DAOA: variants seen among roughly 807,000 people sequenced by gnomAD.
DAOA encodes the protein D-amino acid oxidase regulator.
Under a neutral mutation model 16.4 loss-of-function variants are expected in DAOA, and 15 were observed. The ratio of observed to expected loss-of-function variants is 0.91; its 90% CI spans 0.61 to 1.41. The LOEUF (loss-of-function observed/expected upper bound fraction) is 1.41. Among genes scored for constraint, DAOA ranks in the 40% most tolerant of loss-of-function variants. DAOA has a pLI of 0.00. For synonymous variants in DAOA, 75 were observed against 59.1 expected, an observed-to-expected ratio of 1.27 and a Z score of -1.23; for missense variants, 230 against 176.8, an observed-to-expected ratio of 1.30 and a Z score of -1.71.
chr13:105,489,742 T>G (rs780930884), intron 4 of DAOA, 159 bp from the exon 5 acceptor site: 34 of 1,501,792 alleles, frequency 2.3e-5, no homozygotes, highest in Middle Eastern at 2.4e-4. Flanking sequence ...TAATCTTGAC[T>G]TCTTGGTGGT....
At chr13:105,466,994 C>A (rs990015786) in intron 2 of DAOA, 59 bp from the exon 3 acceptor site, 1 of 1,545,596 alleles carries the variant, frequency 6.5e-7, no homozygotes, top group African/African-American at 1.4e-5. Context: ...CTTATTCTTT[C>A]TCTCTTCTGC....
At chr13:105,481,155 T>A (rs931143330) in intron 4 of DAOA, among the ~76,000 whole-genome samples, 3 of 152,206 alleles carry the variant, frequency 2.0e-5, no homozygotes, top group Non-Finnish European at 4.4e-5. Context: ...AACATATTAA[T>A]TGGGCCATTG....
chr13:105,489,915 G>A lies in DAOA; in HGVS notation c.296G>A (p.Ser99Asn), dbSNP rs757172027. 5.6e-6 allele frequency: 9 copies of A among 1,613,810 alleles called. No homozygotes were observed. The Admixed American group carries it at 1.0e-4, about 18-fold the overall frequency. ...PQPYAELEEV[S>N]SHVGKVFMAR... Reference sequence around the variant, plus strand: ...TCTCCTTACAGGCTTGAAGAAGTAAGCAGCCATGTTGGAAAAGTCTTCATG... The same window carrying A: ...TCTCCTTACAGGCTTGAAGAAGTAAACAGCCATGTTGGAAAAGTCTTCATG... The change falls in exon 5 of 6, where the codon AGC (serine) becomes AAC (asparagine). Residue 99 changes from serine to asparagine, a missense_variant. By Grantham distance (46) the Ser-to-Asn change is conservative. Coordinates refer to ENST00000375936, the MANE Select transcript of DAOA (RefSeq NM_172370.5).
At chr13:105,469,490 T>A (rs540267099) in intron 3 of DAOA, among the ~76,000 whole-genome samples, 80 of 152,314 alleles carry the variant, frequency 5.3e-4, no homozygotes, top group Middle Eastern at 6.8e-3. Flanking sequence ...GGTGAAAATT[T>A]TAAACATTTC....
intron 5 of DAOA, 67 bp downstream of exon 5, chr13:105,490,259 T>C (rs964407087): frequency 2.5e-6 from 2 of 807,818 alleles, no homozygotes; most frequent in Non-Finnish European, 3.1e-6. Flanking sequence ...ATGAATTATA[T>C]TTTTATGAAG....
chr13:105,490,806 A>G (rs1333092565), intron 5 of DAOA, 106 bp from the exon 6 acceptor site: 3 of 152,150 alleles, frequency 2.0e-5, no homozygotes, highest in African/African-American at 7.2e-5. Flanking sequence ...AAGTTAAAAG[A>G]ACCCATAAGT....
At chr13:105,489,215 G>A (rs566878822) in intron 4 of DAOA, among the ~76,000 whole-genome samples, 1 of 152,290 alleles carries the variant, frequency 6.6e-6, no homozygotes, top group South Asian at 2.1e-4. Context: ...CATGTAAGAT[G>A]GATGTCAAGT....
At position 105,484,700 on chromosome 13, in the gene DAOA, C is replaced by T. The variant is rs1198426592; in HGVS notation, c.282-5201C>T. Among the ~76,000 whole-genome samples, 3 of 152,020 alleles carry T rather than the reference C, an allele frequency of 2.0e-5. No homozygotes were observed. The East Asian group carries it at 5.8e-4, about 29-fold the overall frequency. On this transcript the variant is annotated intron_variant, in intron 4 of 5. Transcript: ENST00000375936. ...CTAAAATCATGCATTAGCTCTTATA[C>T]CTTTTTGTATGTTTCATAGTTATTT...
At chr13:105,476,068 C>T (rs1378198805) in intron 4 of DAOA, among the ~76,000 whole-genome samples, 8 of 152,076 alleles carry the variant, frequency 5.3e-5, no homozygotes, top group Admixed American at 3.3e-4. Context: ...TGGAGGGTCT[C>T]ATTCTCATAT....
chr13:105,482,098 A>T (rs559363998), intron 4 of DAOA, among the ~76,000 whole-genome samples: 1 of 152,124 alleles, frequency 6.6e-6, no homozygotes, highest in Admixed American at 6.5e-5. Context: ...CTTATTCACT[A>T]TCACAAGAAC....
At chr13:105,480,663 T>C (rs752844581) in intron 4 of DAOA, among the ~76,000 whole-genome samples, 14 of 151,990 alleles carry the variant, frequency 9.2e-5, no homozygotes, top group African/African-American at 3.4e-4. Context: ...TGGAGTAGTG[T>C]GGCCCTGGAA....
At chr13:105,477,010 A>G (rs2139184033) in intron 4 of DAOA, 1 of 152,328 alleles carries the variant, frequency 6.6e-6, no homozygotes, top group African/African-American at 2.4e-5. Flanking sequence ...GAAATTTGTT[A>G]GTAGCCACAA....
chr13:105,472,519 C>T lies in DAOA; in HGVS notation c.134-19C>T. On this transcript the variant is annotated intron_variant, in intron 3 of 5. Coordinates refer to ENST00000375936, the MANE Select transcript of DAOA (RefSeq NM_172370.5). ...ATAGAGTTAATATGTATTATATATC[C>T]ACTTAAATACTGTTGCAGCAAAGGA... 1 of 1,608,510 alleles carries T rather than the reference C, an allele frequency of 6.2e-7. No homozygotes were observed. Among genetic ancestry groups the T allele is most frequent in the Non-Finnish European group, 8.5e-7 (1 of 1,177,192 alleles).
rs148681984 is a variant in DAOA at position 105,491,007 on chromosome 13, T to G, written c.*207T>G. On this transcript the variant is annotated 3_prime_UTR_variant, in exon 6 of 6. Coordinates refer to ENST00000375936, the MANE Select transcript of DAOA (RefSeq NM_172370.5). ...CTGTGTGACTGGGAGAATCTCTCTT[T>G]TTATTAAATGTGCTTCAAGTTTTAA... The G allele has an allele frequency of 3.3e-5, 5 of 152,254 alleles. No individual in the cohort carries two copies. Among genetic ancestry groups the G allele is most frequent in the Non-Finnish European group, 7.4e-5 (5 of 67,996 alleles). The allele number at this position is 152,254 out of a possible 1,614,324, so 9.4% of individuals were successfully genotyped here.
upstream of DAOA, chr13:105,465,949 G>C (rs1213259881): frequency 4.5e-6 from 1 of 224,180 alleles, no homozygotes; most frequent in Non-Finnish European, 8.6e-6. Context: ...TTTACAAAGA[G>C]ATTAACTACA....
chr13:105,466,788 A>AG (rs1172951789), intron 2 of DAOA, among the ~76,000 whole-genome samples: 3 of 152,180 alleles, frequency 2.0e-5, no homozygotes, highest in African/African-American at 7.2e-5. Flanking sequence ...CAAAGGTTTG[A>AG]GAGCCAGTAA....
chr13:105,481,418 T>C (rs914533556), intron 4 of DAOA, among the ~76,000 whole-genome samples: 1 of 152,140 alleles, frequency 6.6e-6, no homozygotes, highest in Non-Finnish European at 1.5e-5. Flanking sequence ...CTCCAGGGAC[T>C]CTGGTCTAAA....
chr13:105,474,291 C>T (rs1192568389), intron 4 of DAOA, among the ~76,000 whole-genome samples: 1 of 151,914 alleles, frequency 6.6e-6, no homozygotes, highest in South Asian at 2.1e-4. Flanking sequence ...GAAATTGTTT[C>T]GATTTGCTAA....
chr13:105,473,541 G>A (rs1183304558), intron 4 of DAOA, among the ~76,000 whole-genome samples: 1 of 151,948 alleles, frequency 6.6e-6, no homozygotes, highest in African/African-American at 2.4e-5. Context: ...TGTTTTATCT[G>A]AGGCTATTTA....
Sources: allele counts gnomAD v4.1 joint callset (sites outside exome capture counted in the v4.1 genomes callset), GRCh38; gene constraint gnomAD v4.1.1; transcripts MANE v1.5; gene names NCBI Gene and HGNC (gene_info 2026-07-23, HGNC 2026-07-21).